The following MPHOSPH8 variants were observed in gnomAD, a reference collection of about 807,000 sequenced individuals.
MPHOSPH8 encodes M-phase phosphoprotein, mpp.
MPHOSPH8 carries 45 observed loss-of-function variants against 87.3 expected under a neutral mutation model. The ratio of observed to expected loss-of-function variants is 0.52; its 90% CI spans 0.41 to 0.66. The LOEUF is 0.66. Among genes scored for constraint, MPHOSPH8 ranks in the 30% least tolerant of loss-of-function variants. The probability of loss-of-function intolerance (pLI) is 0.00; values close to 1 mark genes in which losing one functional copy is unlikely to be tolerated. For synonymous variants in MPHOSPH8, 366 were observed against 376.9 expected (o/e 0.97, Z 0.33); for missense variants, 883 against 1,020.2 (o/e 0.87, Z 1.83).
Position 19,633,918 on chromosome 13 carries a change from A to G in MPHOSPH8, c.170A>G (p.Asp57Gly), listed in dbSNP as rs777013902. ...GGCGACAGTGAGGAGGACGGAGAGG[A>G]TGTGTTCGAGGTGGAGAAGATCCTG... is the stretch of plus-strand genomic sequence containing the variant. The part of the protein sequence containing the change: ...AFGDSEEDGE[D>G]VFEVEKILDM... Residue 57 changes from aspartate (D) to glycine (G), a missense_variant, in exon 1 of 14, where the codon GAT (aspartate) becomes GGT (glycine). Asp to Gly is a moderately conservative substitution (Grantham distance 94). Transcript: ENST00000361479. 1.2e-6 allele frequency: 2 copies of G among 1,611,384 alleles called. No homozygotes were observed. Among genetic ancestry groups the G allele is most frequent in the Non-Finnish European group, 1.7e-6 (2 of 1,179,246 alleles).
chr13:19,639,562 G>C (rs1230279267), intron 1 of MPHOSPH8, among the ~76,000 whole-genome samples: 2 of 151,958 alleles, frequency 1.3e-5, no homozygotes, highest in African/African-American at 4.8e-5. Context: ...ACCTGCCTCG[G>C]CCTCCCAAAG....
chr13:19,640,696 T>G (rs553933687), intron 1 of MPHOSPH8, among the ~76,000 whole-genome samples: 2 of 151,996 alleles, frequency 1.3e-5, no homozygotes, highest in Admixed American at 1.3e-4. Context: ...AATGGCTAGG[T>G]TTTTTTTACC....
intron 10 of MPHOSPH8, 22 bp from the exon 11 acceptor site, chr13:19,668,355 A>G: frequency 6.2e-7 from 1 of 1,607,442 alleles, no homozygotes; most frequent in Admixed American, 1.7e-5. Flanking sequence ...TAACGTTAAC[A>G]CGTACTATTT....
chr13:19,641,140 G>A (rs1874265496), intron 1 of MPHOSPH8, among the ~76,000 whole-genome samples: 1 of 152,022 alleles, frequency 6.6e-6, no homozygotes, highest in South Asian at 2.1e-4. Flanking sequence ...ATAATATACT[G>A]TTTTTTCTTT....
rs746193342 is a variant in MPHOSPH8, at chr13:19,633,710, C to G, written c.-39C>G. The G allele has an allele frequency of 1.9e-6, 3 of 1,554,190 alleles. No homozygotes were observed. The African/African-American group carries it at 4.1e-5, about 21-fold the overall frequency. On this transcript the variant is annotated 5_prime_UTR_variant, in exon 1 of 14. Transcript: ENST00000361479. The stretch of plus-strand genomic sequence containing the variant: ...CGCGAGGGGCTGCTGGGGTGTTTGT[C>G]GCAGCGGGTTTTCCTCGGCGGTTTG...
chr13:19,650,327 T>G, intron 5 of MPHOSPH8, 67 bp downstream of exon 5: 1 of 1,486,082 alleles, frequency 6.7e-7, no homozygotes, highest in Non-Finnish European at 9.1e-7. Flanking sequence ...TGTACTCTTC[T>G]CTGTATTTCT....
chr13:19,656,360 T>C (rs1431041760), intron 5 of MPHOSPH8, among the ~76,000 whole-genome samples: 2 of 151,700 alleles, frequency 1.3e-5, no homozygotes, highest in Non-Finnish European at 2.9e-5. Flanking sequence ...TTAGAAGTAT[T>C]AAAAATGTAG....
chr13:19,662,529 C>T (rs575301073), intron 8 of MPHOSPH8, among the ~76,000 whole-genome samples: 56 of 152,182 alleles, frequency 3.7e-4, no homozygotes, highest in Admixed American at 3.5e-3. Flanking sequence ...CATGAGCCAC[C>T]GCACCCAGCT....
At chr13:19,644,798 T>C (rs1874484251) in intron 2 of MPHOSPH8, among the ~76,000 whole-genome samples, 3 of 152,248 alleles carry the variant, frequency 2.0e-5, no homozygotes, top group South Asian at 2.1e-4. Flanking sequence ...TCCATTGTTA[T>C]CTGGCACAAA....
In MPHOSPH8 at chr13:19,650,218, C is replaced by T; in HGVS notation, c.1534C>T (p.Gln512Ter). 6.2e-7 allele frequency: 1 copy of T among 1,614,062 alleles called. No individual in the cohort carries two copies. Among genetic ancestry groups the T allele is most frequent in the Non-Finnish European group, 8.5e-7 (1 of 1,180,008 alleles). ...GGCATACATTGCTGCAGAAGGTGAT[C>T]AGGAGGTTTTAGACAGCGTGTGCCA... ...TWAYIAAEGD[Q>*]EVLDSVCQAD... The change falls in exon 5 of 14, where the codon CAG (glutamine) becomes TAG (stop). Residue 512 changes from glutamine (Q) to a stop codon, truncating the protein, a stop_gained. Transcript: ENST00000361479. LOFTEE classifies it high-confidence loss of function.
chr13:19,638,562 G>A (rs1037618063), intron 1 of MPHOSPH8, among the ~76,000 whole-genome samples: 5 of 151,446 alleles, frequency 3.3e-5, no homozygotes, highest in African/African-American at 4.9e-5. Flanking sequence ...GTGGTGAGCC[G>A]AGATCGTGAC....
intron 1 of MPHOSPH8, among the ~76,000 whole-genome samples, chr13:19,634,814 A>G (rs1441492710): frequency 1.3e-5 from 2 of 152,218 alleles, no homozygotes; most frequent in South Asian, 2.1e-4. Context: ...AATCTGTTTC[A>G]GTAGATGGAT....
chr13:19,662,161 G>A (rs960896642), intron 8 of MPHOSPH8, among the ~76,000 whole-genome samples: 1 of 152,024 alleles, frequency 6.6e-6, no homozygotes, highest in African/African-American at 2.4e-5. Flanking sequence ...GGATGGTCTC[G>A]ATCTCCTGAC....
chr13:19,638,344 G>A (rs886327505), intron 1 of MPHOSPH8, among the ~76,000 whole-genome samples: 3 of 152,016 alleles, frequency 2.0e-5, no homozygotes, highest in Non-Finnish European at 4.4e-5. Context: ...GCTGGGCACG[G>A]TGGCTCACAC....
At chr13:19,669,926 A>G (rs1043183011) in intron 11 of MPHOSPH8, among the ~76,000 whole-genome samples, 1 of 152,252 alleles carries the variant, frequency 6.6e-6, no homozygotes, top group African/African-American at 2.4e-5. Context: ...TGTCCCTGGG[A>G]CGTGTGCACA....
Position 19,659,105 on chromosome 13 carries a change from G to A in MPHOSPH8, c.1687G>A (p.Asp563Asn), listed in dbSNP as rs1395654954. ...DGKDENFAAT[D>N]AIPSNVLRDA... ...GAAAGATGAGAATTTTGCTGCAACA[G>A]ATGCAATTCCAAGTAGTGAGTAGTT... Residue 563 changes from aspartate to asparagine, a missense_variant, in exon 6 of 14, where the codon GAT (aspartate) becomes AAT (asparagine). Transcript: ENST00000361479. The A allele has an allele frequency of 6.2e-7, 1 of 1,613,914 alleles. No homozygotes were observed. Among genetic ancestry groups the A allele is most frequent in the Non-Finnish European group, 8.5e-7 (1 of 1,180,008 alleles).
At chr13:19,643,635 T>C (rs1874415196) in intron 2 of MPHOSPH8, among the ~76,000 whole-genome samples, 2 of 152,192 alleles carry the variant, frequency 1.3e-5, no homozygotes, top group South Asian at 4.1e-4. Flanking sequence ...ACATATTTTA[T>C]TCAGAAAACA....
chr13:19,666,127 G>A (rs1463283563), intron 9 of MPHOSPH8, among the ~76,000 whole-genome samples: 2 of 152,224 alleles, frequency 1.3e-5, no homozygotes, highest in Non-Finnish European at 2.9e-5. Flanking sequence ...TCTGTCTTGG[G>A]ACTGAAGCAT....
At chr13:19,654,865 T>A (rs1210170594) in intron 5 of MPHOSPH8, among the ~76,000 whole-genome samples, 3 of 152,032 alleles carry the variant, frequency 2.0e-5, no homozygotes, top group Admixed American at 6.6e-5. Context: ...GGAGAATCGC[T>A]TGAACCCAGG....
Sources: gnomAD v4.1 joint callset for allele counts (sites outside exome capture counted in the v4.1 genomes callset) on GRCh38, gnomAD v4.1.1 for gene constraint, MANE v1.5 for transcripts, NCBI Gene and HGNC (gene_info 2026-07-23, HGNC 2026-07-21) for gene names.